The following SERPINB7 variants were observed in gnomAD, a reference collection of about 807,000 sequenced individuals.
The protein encoded by SERPINB7 is serpin B7.
Under a neutral mutation model 37.4 loss-of-function variants are expected in SERPINB7, and 31 were observed. The ratio of observed to expected loss-of-function variants is 0.83; its 90% CI spans 0.62 to 1.12. The LOEUF is 1.12. Ranked by LOEUF, SERPINB7 falls within the 50% of genes most tolerant of loss-of-function variation. SERPINB7 has a pLI of 0.00. For missense variants in SERPINB7, 521 were observed against 455.3 expected (o/e 1.14, Z -1.31); for synonymous variants, 163 against 166.1 (o/e 0.98, Z 0.14).
At chr18:63,763,239 G>C (rs2049163902) in intron 1 of SERPINB7, among the ~76,000 whole-genome samples, 1 of 152,162 alleles carries the variant, frequency 6.6e-6, no homozygotes, top group Admixed American at 6.5e-5. Context: ...TCTCTACCAT[G>C]TTTTGTGCTT....
intron 1 of SERPINB7, among the ~76,000 whole-genome samples, chr18:63,765,799 AT>A (rs1275933435): frequency 6.6e-6 from 1 of 152,020 alleles, no homozygotes; most frequent in African/African-American, 2.4e-5. Context: ...CTAGAAACCG[AT>A]TTTTTTCCTT....
intron 5 of SERPINB7, among the ~76,000 whole-genome samples, chr18:63,797,726 A>C (rs1380382376): frequency 6.6e-6 from 1 of 152,160 alleles, no homozygotes; most frequent in Non-Finnish European, 1.5e-5. Flanking sequence ...CATGACCATG[A>C]CCTTTCTTGT....
chr18:63,803,901 C>G (rs1443327538), intron 7 of SERPINB7, among the ~76,000 whole-genome samples: 1 of 152,170 alleles, frequency 6.6e-6, no homozygotes, highest in Non-Finnish European at 1.5e-5. Context: ...GCTCCTTTCT[C>G]CCTCTAATGG....
chr18:63,788,505 TAA>T (rs905752266), intron 2 of SERPINB7, among the ~76,000 whole-genome samples: 40 of 152,184 alleles, frequency 2.6e-4, no homozygotes, highest in Non-Finnish European at 5.9e-4. Context: ...GTTTATAAAG[TAA>T]AAAAGTTAAA....
rs201208667 is a variant in SERPINB7, at chr18:63,804,628, G to A, written c.1136G>A (p.Cys379Tyr). Residue 379 changes from cysteine (C) to tyrosine (Y), a missense_variant, in exon 8 of 8, where the codon TGC becomes TAC. Physicochemically the swap from Cys to Tyr is radical, Grantham distance 194. Coordinates refer to ENST00000398019, the MANE Select transcript of SERPINB7 (RefSeq NM_003784.4). ...DIILFSGKVS[C>Y]P ...ATCTTATTCAGTGGCAAAGTTTCTT[G>A]CCCTTGAAAATCCAATTGGTTTCTG... is the stretch of plus-strand genomic sequence containing the variant. 3.1e-4 allele frequency: 490 copies of A among 1,604,536 alleles called. No homozygotes were observed. Among genetic ancestry groups the A allele is most frequent in the Non-Finnish European group, 4.9e-5 (57 of 1,174,962 alleles).
intron 2 of SERPINB7, among the ~76,000 whole-genome samples, chr18:63,783,224 GAGAGAGAGAGAAAGAA>G (rs1201072653): frequency 2.9e-3 from 156 of 54,078 alleles, no homozygotes; most frequent in Admixed American, 3.9e-3. Context: ...GAGAGAGAGA[GAGAGAGAGAGAAAGAA>G]AGAAAGAAAG....
At position 63,804,643 on chromosome 18, in the gene SERPINB7, A is replaced by G. The variant is rs1454260979; in HGVS notation, c.*8A>G. ...AAAGTTTCTTGCCCTTGAAAATCCAATTGGTTTCTGTTATAGCAGTCCCCA... is the reference window on the plus strand; with the variant it reads ...AAAGTTTCTTGCCCTTGAAAATCCAGTTGGTTTCTGTTATAGCAGTCCCCA... On this transcript the variant is annotated 3_prime_UTR_variant, in exon 8 of 8. Coordinates refer to ENST00000398019, the MANE Select transcript of SERPINB7 (RefSeq NM_003784.4). 2.5e-6 allele frequency: 4 copies of G among 1,597,614 alleles called. No individual in the cohort carries two copies. The South Asian group carries it at 3.4e-5, about 14-fold the overall frequency.
At chr18:63,803,530 T>C (rs1240797596) in intron 7 of SERPINB7, among the ~76,000 whole-genome samples, 4 of 152,220 alleles carry the variant, frequency 2.6e-5, no homozygotes, top group African/African-American at 7.2e-5. Flanking sequence ...AGCTGGTGAA[T>C]TGGCTTTGTG....
chr18:63,796,523 C>T (rs1485621276), intron 5 of SERPINB7, 140 bp downstream of exon 5: 1 of 548,746 alleles, frequency 1.8e-6, no homozygotes, highest in East Asian at 2.9e-5. Context: ...CTTAAAATTG[C>T]TTTAGTATTT....
intron 1 of SERPINB7, among the ~76,000 whole-genome samples, chr18:63,766,555 T>A (rs1280082792): frequency 6.6e-6 from 1 of 152,100 alleles, no homozygotes; most frequent in African/African-American, 2.4e-5. Flanking sequence ...GTGGTCTAGT[T>A]TGCACTTGAA....
rs149985870 is a variant in SERPINB7 at position 63,793,307 on chromosome 18, C to T, written c.336+30C>T. On this transcript the variant is annotated intron_variant, in intron 4 of 7. Coordinates refer to ENST00000398019, the MANE Select transcript of SERPINB7 (RefSeq NM_003784.4). ...GTGAAACTGCCTTTGTTAGAAGGAC[C>T]TGAATCTTGTTAAATCCATTATCTG... 196 of 1,151,954 alleles carry T rather than the reference C, an allele frequency of 1.7e-4. 2 individuals carry two copies. In the East Asian group the frequency reaches 4.2e-3, roughly 25 times the overall value. The allele number at this position is 1,151,954 out of a possible 1,614,324, so 71.4% of individuals were successfully genotyped here.
At position 63,795,802 on chromosome 18, in the gene SERPINB7, T is replaced by A. The variant is rs148590665; in HGVS notation, c.337-464T>A. Among the ~76,000 whole-genome samples, 1,055 of 152,048 alleles carry A rather than the reference T, an allele frequency of 6.9e-3. 6 individuals are homozygous for A. Among genetic ancestry groups the A allele is most frequent in the Non-Finnish European group, 0.011 (763 of 67,970 alleles). ...AATGTAGTATCGTGGGACAGCAGAG[T>A]AAGGAGAAAGTGGCTATGACGTAAG... On this transcript the variant is annotated intron_variant, in intron 4 of 7. Coordinates refer to ENST00000398019, the MANE Select transcript of SERPINB7 (RefSeq NM_003784.4).
intron 7 of SERPINB7, among the ~76,000 whole-genome samples, chr18:63,801,926 G>T (rs902833428): frequency 2.0e-5 from 3 of 152,142 alleles, no homozygotes; most frequent in Admixed American, 6.5e-5. Context: ...GCGGAATTCA[G>T]GCCTCTCTCA....
chr18:63,800,149 G>C (rs2049532204), intron 6 of SERPINB7, among the ~76,000 whole-genome samples: 1 of 151,816 alleles, frequency 6.6e-6, no homozygotes, highest in African/African-American at 2.4e-5. Flanking sequence ...GACCTCTTGG[G>C]CTCAGGTGGT....
At chr18:63,786,966 A>C in intron 2 of SERPINB7, among the ~76,000 whole-genome samples, 1 of 151,786 alleles carries the variant, frequency 6.6e-6, no homozygotes, top group Non-Finnish European at 1.5e-5. Context: ...ATTTTTTCCC[A>C]TTTGGGATTT....
chr18:63,775,899 C>T (rs2049242407), intron 1 of SERPINB7, among the ~76,000 whole-genome samples, 183 bp downstream of exon 1: 1 of 152,218 alleles, frequency 6.6e-6, no homozygotes, highest in Middle Eastern at 3.4e-3. Flanking sequence ...TCTGGTGGGG[C>T]AGCTTTTATC....
At chr18:63,756,960 C>T (rs2049126096) in intron 1 of SERPINB7, among the ~76,000 whole-genome samples, 1 of 152,116 alleles carries the variant, frequency 6.6e-6, no homozygotes, top group African/African-American at 2.4e-5. Context: ...ATTTCAATCG[C>T]TATCACCATT....
intron 1 of SERPINB7, among the ~76,000 whole-genome samples, chr18:63,776,163 TG>T (rs1276427941): frequency 6.6e-6 from 1 of 152,164 alleles, no homozygotes; most frequent in African/African-American, 2.4e-5. Flanking sequence ...TTTGGCTTCA[TG>T]TTTTTTTTGT....
chr18:63,769,848 ACTT>A (rs1290202349), intron 1 of SERPINB7, among the ~76,000 whole-genome samples: 1 of 151,510 alleles, frequency 6.6e-6, no homozygotes, highest in African/African-American at 2.4e-5. Flanking sequence ...TCCATCTCTC[ACTT>A]CTTTATGATT....
Sources: allele counts gnomAD v4.1 joint callset (sites outside exome capture counted in the v4.1 genomes callset), GRCh38; gene constraint gnomAD v4.1.1; transcripts MANE v1.5; gene names NCBI Gene and HGNC (gene_info 2026-07-23, HGNC 2026-07-21).